LMO7: variants seen among roughly 807,000 people sequenced by gnomAD.
The protein encoded by LMO7 is LIM domain 7, also known as LIM domain only protein 7.
A neutral mutation model predicts 206.5 loss-of-function variants in LMO7; 120 were observed. The ratio of observed to expected loss-of-function variants is 0.58; its 90% CI spans 0.50 to 0.68. The LOEUF is 0.68. Among genes scored for constraint, LMO7 ranks in the 30% least tolerant of loss-of-function variants. The pLI is 0.00. For missense variants in LMO7, 1,959 were observed against 1,957.9 expected, an observed-to-expected ratio of 1.00 and a Z score of -0.01; for synonymous variants, 706 against 681.5, an observed-to-expected ratio of 1.04 and a Z score of -0.56.
intron 1 of LMO7, chr13:75,689,304 A>G (rs541879235): frequency 1.1e-4 from 17 of 152,324 alleles, no homozygotes; most frequent in East Asian, 9.7e-4. Context: ...TTTAACTCCA[A>G]TCCCATTGTG....
chr13:75,658,105 AATCT>A (rs2038226967), intron 1 of LMO7, among the ~76,000 whole-genome samples: 1 of 151,868 alleles, frequency 6.6e-6, no homozygotes, highest in Admixed American at 6.6e-5. Flanking sequence ...TATATTGAAT[AATCT>A]ATTCCTTCCG....
At chr13:75,804,936 T>G (rs2055247054) in intron 8 of LMO7, 1 of 1,004,310 alleles carries the variant, frequency 1.0e-6, no homozygotes, top group Admixed American at 5.6e-5. Flanking sequence ...AAATCCAGCT[T>G]CCTCTCATGG....
intron 4 of LMO7, among the ~76,000 whole-genome samples, chr13:75,765,201 T>C (rs1234929138): frequency 6.6e-6 from 1 of 152,162 alleles, no homozygotes; most frequent in African/African-American, 2.4e-5. Context: ...TCTGCCAAAT[T>C]GGGCTTGAGG....
chr13:75,842,817 T>C (rs1566599049), intron 24 of LMO7, 34 bp from the exon 25 acceptor site: 3 of 1,357,438 alleles, frequency 2.2e-6, no homozygotes, highest in African/African-American at 1.4e-5. Flanking sequence ...TAAAGTCTAA[T>C]ATTTTGACAA....
intron 1 of LMO7, among the ~76,000 whole-genome samples, chr13:75,670,161 G>A (rs950230330): frequency 3.3e-5 from 5 of 152,156 alleles, no homozygotes; most frequent in South Asian, 2.1e-4. Flanking sequence ...AGAGAACTTC[G>A]ATTGTTGGGA....
At chr13:75,817,140 C>T (rs779762250) in intron 11 of LMO7, 21 bp from the exon 12 acceptor site, 1 of 1,560,030 alleles carries the variant, frequency 6.4e-7, no homozygotes, top group South Asian at 1.1e-5. Context: ...TCCGTAGTAA[C>T]CATGAGTCTT....
intron 20 of LMO7, among the ~76,000 whole-genome samples, chr13:75,838,941 G>T (rs2059367084): frequency 6.6e-6 from 1 of 152,206 alleles, no homozygotes; most frequent in African/African-American, 2.4e-5. Flanking sequence ...GCAATGGTCA[G>T]AGGATATTGT....
Position 75,808,055 on chromosome 13 carries a change from G to A in LMO7, c.1772G>A (p.Arg591His), listed in dbSNP as rs375490228. The A allele has an allele frequency of 3.7e-5, 60 of 1,613,818 alleles. No homozygotes were observed. The highest frequency in any genetic ancestry group is 4.8e-5 in the Non-Finnish European group (57 of 1,179,892). The change falls in exon 10 of 31, where the codon CGT (arginine) becomes CAT (histidine). Residue 591 changes from arginine (R) to histidine (H), a missense_variant. Physicochemically the swap from Arg to His is conservative, Grantham distance 29 (BLOSUM62 0). Coordinates refer to ENST00000377534, the MANE Select transcript of LMO7 (RefSeq NM_001306080.2). ...YRQKKDDMLT[R>H]KIQSWKLGTT... is the part of the protein sequence containing the mutation. ...CAGAAGAAAGATGACATGCTGACAC[G>A]TAAGATTCAGTCCTGGAAACTGGGA...
chr13:75,784,155 A>G (rs2052019958), intron 4 of LMO7, among the ~76,000 whole-genome samples: 1 of 152,186 alleles, frequency 6.6e-6, no homozygotes, highest in Non-Finnish European at 1.5e-5. Context: ...AACATCCACA[A>G]TGCATAGTAC....
At position 75,717,961 on chromosome 13, in the gene LMO7, C is replaced by T. The variant is rs146999548; in HGVS notation, c.140+4709C>T. 4.3e-3 allele frequency among the ~76,000 whole-genome samples: 655 copies of T among 152,298 alleles called. 7 individuals are homozygous for T. The highest frequency in any genetic ancestry group is 0.015 in the African/African-American group (616 of 41,558). ...TTGAAATTTAGTGAAAACTGTTTTT[C>T]TTCACTTTCAAGTAATATAAGCTTT... is the stretch of plus-strand genomic sequence containing the variant. On this transcript the variant is annotated intron_variant, in intron 2 of 30. Transcript: ENST00000377534.
intron 4 of LMO7, among the ~76,000 whole-genome samples, chr13:75,781,101 T>C: frequency 9.0e-6 from 1 of 110,578 alleles, no homozygotes; most frequent in African/African-American, 2.7e-5. Context: ...TTTTCCTTTT[T>C]TTTTTTTTTT....
At chr13:75,782,124 T>G (rs1034044284) in intron 4 of LMO7, among the ~76,000 whole-genome samples, 1 of 152,232 alleles carries the variant, frequency 6.6e-6, no homozygotes, top group African/African-American at 2.4e-5. Context: ...AGAAGCTCTT[T>G]AGTTTAATTA....
At chr13:75,761,172 T>C in intron 4 of LMO7, 134 bp downstream of exon 4, 2 of 612,202 alleles carry the variant, frequency 3.3e-6, no homozygotes, top group Admixed American at 6.1e-5. Context: ...TCTGTTCTCA[T>C]TCTAAAAGAG....
intron 1 of LMO7, among the ~76,000 whole-genome samples, chr13:75,652,111 C>T (rs2037628774): frequency 6.6e-6 from 1 of 152,044 alleles, no homozygotes; most frequent in South Asian, 2.1e-4. Context: ...ATTGTTTTAG[C>T]TCCCTGAGGA....
chr13:75,778,978 C>T (rs937175412), intron 4 of LMO7, among the ~76,000 whole-genome samples: 1 of 152,136 alleles, frequency 6.6e-6, no homozygotes, highest in African/African-American at 2.4e-5. Flanking sequence ...AAGTGAATGT[C>T]ATCTGAGGAA....
chr13:75,817,401 G>A (rs1287814284), intron 12 of LMO7, 123 bp downstream of exon 12: 5 of 549,604 alleles, frequency 9.1e-6, no homozygotes, highest in African/African-American at 7.7e-5. Flanking sequence ...TGTATAAAAT[G>A]TGACCAACTT....
intron 1 of LMO7, among the ~76,000 whole-genome samples, chr13:75,674,442 C>T (rs557657547): frequency 3.9e-5 from 6 of 152,216 alleles, no homozygotes; most frequent in South Asian, 2.1e-4. Flanking sequence ...AAATTCCTAG[C>T]GTTTGTGAGC....
chr13:75,634,378 C>T (rs1402377016), upstream of LMO7, among the ~76,000 whole-genome samples: 2 of 151,002 alleles, frequency 1.3e-5, no homozygotes, highest in South Asian at 2.2e-4. Context: ...TTCAAGGTCA[C>T]GGGGAGCTAT....
In LMO7 at chr13:75,834,282, A is replaced by G. The variant is rs912333102; in HGVS notation, c.3121A>G (p.Asn1041Asp). 1.9e-6 allele frequency: 3 copies of G among 1,611,284 alleles called. No individual in the cohort carries two copies. The highest frequency in any genetic ancestry group is 2.2e-5 in the South Asian group (2 of 90,662). The change falls in exon 17 of 31, where the codon AAC becomes GAC. Residue 1041 changes from asparagine to aspartate, a missense_variant. Asn to Asp is a conservative substitution (Grantham distance 23). Transcript: ENST00000377534. ...QVDDEIIAIN[N>D]TKFSYNDSKE... ...AGATGATGAAATTATTGCTATTAACAACACCAAGTTTTCATATAACGATTC... is the reference window on the plus strand; with the variant it reads ...AGATGATGAAATTATTGCTATTAACGACACCAAGTTTTCATATAACGATTC...
Sources: allele counts gnomAD v4.1 joint callset (sites outside exome capture counted in the v4.1 genomes callset), GRCh38; gene constraint gnomAD v4.1.1; transcripts MANE v1.5; gene names NCBI Gene and HGNC (gene_info 2026-07-23, HGNC 2026-07-21).